PCDH15: variants seen among roughly 807,000 people sequenced by gnomAD.
PCDH15 encodes protocadherin-15.
In PCDH15, 129 loss-of-function variants were observed where a neutral mutation model predicts 178.5. That is an observed-to-expected ratio of 0.72 (90% CI 0.63 to 0.84). The LOEUF is 0.84. Among genes scored for constraint, PCDH15 ranks in the 40% least tolerant of loss-of-function variants. The pLI, the probability that PCDH15 is intolerant of heterozygous loss-of-function variation, is 0.00. For synonymous variants in PCDH15, 800 were observed against 732.0 expected (o/e 1.09, Z -1.50); for missense variants, 2,230 against 2,099.9 (o/e 1.06, Z -1.21).
At chr10:55,066,710 C>T (rs1841573657) in intron 2 of PCDH15, among the ~76,000 whole-genome samples, 1 of 150,518 alleles carries the variant, frequency 6.6e-6, no homozygotes, top group Non-Finnish European at 1.5e-5. Flanking sequence ...CTCTGTATCA[C>T]ATTTTATAAA....
intron 2 of PCDH15, among the ~76,000 whole-genome samples, chr10:54,591,159 TATGTCCATTACCTA>T (rs1565683022): frequency 6.6e-6 from 1 of 152,168 alleles, no homozygotes; most frequent in African/African-American, 2.4e-5. Flanking sequence ...TGCCCTGTTA[TATGTCCATTACCTA>T]ATTCCAAGAG....
At chr10:54,300,059 G>A (rs934200644) in intron 8 of PCDH15, among the ~76,000 whole-genome samples, 13 of 152,102 alleles carry the variant, frequency 8.5e-5, no homozygotes, top group Admixed American at 5.9e-4. Context: ...TCTACAATCC[G>A]AAGTAGACTC....
chr10:54,059,699 T>C lies in PCDH15; in HGVS notation c.2220+7058A>G, dbSNP rs545831500. Among the ~76,000 whole-genome samples the C allele has an allele frequency of 3.3e-5, 5 of 152,324 alleles. No homozygotes were observed. The South Asian group carries it at 6.2e-4, about 19-fold the overall frequency. ...TGCTGATGCTGATGCTGATGCTGCT[T>C]TTCCAGGAACAACACTTTGATAGCC... On this transcript the variant is annotated intron_variant, in intron 18 of 37. Coordinates refer to ENST00000644397, the MANE Select transcript of PCDH15 (RefSeq NM_001384140.1).
At chr10:55,031,378 T>C (rs1282467563) in intron 2 of PCDH15, among the ~76,000 whole-genome samples, 1 of 152,132 alleles carries the variant, frequency 6.6e-6, no homozygotes, top group Non-Finnish European at 1.5e-5. Flanking sequence ...AGTAAGACAA[T>C]CAGTAATAAA....
At chr10:55,044,650 G>T (rs1471917427) in intron 2 of PCDH15, among the ~76,000 whole-genome samples, 2 of 151,940 alleles carry the variant, frequency 1.3e-5, no homozygotes, top group Non-Finnish European at 2.9e-5. Context: ...ATACAATTTA[G>T]AACTTAATTA....
At chr10:53,810,135 A>C (rs1365442326) in intron 37 of PCDH15, among the ~76,000 whole-genome samples, 1 of 152,174 alleles carries the variant, frequency 6.6e-6, no homozygotes, top group Non-Finnish European at 1.5e-5. Flanking sequence ...CTTGAAAATT[A>C]TTTGTGGAAA....
At chr10:54,577,038 T>G (rs1185987027) in intron 2 of PCDH15, among the ~76,000 whole-genome samples, 2 of 151,832 alleles carry the variant, frequency 1.3e-5, no homozygotes, top group African/African-American at 2.4e-5. Flanking sequence ...GTAGTGAAGA[T>G]AAAAGAAGAG....
intron 2 of PCDH15, among the ~76,000 whole-genome samples, chr10:55,408,193 T>TTTTTC (rs550774799): frequency 2.5e-3 from 63 of 25,080 alleles, no homozygotes; most frequent in African/African-American, 0.02. Flanking sequence ...TCTTTTTTCT[T>TTTTTC]TTTTTTTTTT....
chr10:54,512,359 T>TTTTGTGTG (rs374994766), intron 3 of PCDH15, among the ~76,000 whole-genome samples: 3 of 134,088 alleles, frequency 2.2e-5, no homozygotes, highest in African/African-American at 8.1e-5. Flanking sequence ...ATTTCTGGCA[T>TTTTGTGTG]TGTGTGTGTG....
intron 1 of PCDH15, among the ~76,000 whole-genome samples, chr10:55,176,968 A>T (rs925956868): frequency 6.6e-6 from 1 of 152,086 alleles, no homozygotes; most frequent in African/African-American, 2.4e-5. Flanking sequence ...TAATATGTAG[A>T]TGACATTCTC....
At chr10:54,965,534 C>A (rs1376534232) in intron 2 of PCDH15, among the ~76,000 whole-genome samples, 1 of 151,620 alleles carries the variant, frequency 6.6e-6, no homozygotes, top group Non-Finnish European at 1.5e-5. Flanking sequence ...ATAAATTACT[C>A]AGTCTTAGTG....
chr10:55,546,926 C>T (rs145810550), intron 2 of PCDH15, among the ~76,000 whole-genome samples: 157 of 151,710 alleles, frequency 1.0e-3, no homozygotes, highest in African/African-American at 3.5e-3. Flanking sequence ...GTCCATGAGG[C>T]AGGTCTGATA....
intron 3 of PCDH15, among the ~76,000 whole-genome samples, chr10:54,447,240 T>C (rs536410584): frequency 6.6e-6 from 1 of 151,736 alleles, no homozygotes; most frequent in Non-Finnish European, 1.5e-5. Context: ...GTGTGTGTGG[T>C]GAGAATACTT....
chr10:54,402,946 T>C (rs1952122782), intron 3 of PCDH15, among the ~76,000 whole-genome samples: 1 of 151,996 alleles, frequency 6.6e-6, no homozygotes, highest in Non-Finnish European at 1.5e-5. Context: ...CTAGAAATTA[T>C]TGAGCTTAAT....
intron 3 of PCDH15, among the ~76,000 whole-genome samples, chr10:54,480,167 C>G (rs2078609598): frequency 6.6e-6 from 1 of 152,026 alleles, no homozygotes; most frequent in Non-Finnish European, 1.5e-5. Flanking sequence ...ACTGTAATAG[C>G]TGATACTGAT....
At chr10:55,616,764 C>T (rs1382737025) in intron 2 of PCDH15, among the ~76,000 whole-genome samples, 2 of 152,064 alleles carry the variant, frequency 1.3e-5, no homozygotes, top group African/African-American at 4.8e-5. Flanking sequence ...GGTAAGAACA[C>T]TGAATATTAG....
intron 3 of PCDH15, among the ~76,000 whole-genome samples, chr10:54,392,942 G>C (rs1474432208): frequency 6.6e-6 from 1 of 150,696 alleles, no homozygotes; most frequent in African/African-American, 2.4e-5. Flanking sequence ...ACATGAGAAA[G>C]CTGCTCCTCT....
intron 8 of PCDH15, among the ~76,000 whole-genome samples, chr10:54,257,423 C>G (rs1312968518): frequency 2.8e-5 from 1 of 36,172 alleles, no homozygotes; most frequent in African/African-American, 1.1e-4. Context: ...TTTTTTTTGT[C>G]AAAGAAGTCA....
intron 19 of PCDH15, among the ~76,000 whole-genome samples, chr10:54,020,762 T>TA (rs59264647): frequency 0.14 from 21,178 of 151,724 alleles, 3,164 homozygotes; most frequent in African/African-American, 0.36. Context: ...TATATCACAG[T>TA]AAAAAAATAA....
Sources: allele counts gnomAD v4.1 joint callset (sites outside exome capture counted in the v4.1 genomes callset), GRCh38; gene constraint gnomAD v4.1.1; transcripts MANE v1.5; gene names NCBI Gene and HGNC (gene_info 2026-07-23, HGNC 2026-07-21).